Variants in GNG12 observed in about 807,000 individuals in gnomAD.
GNG12 encodes the protein guanine nucleotide-binding protein G(I)/G(S)/G(O) subunit gamma-12.
For synonymous variants in GNG12, 28 were observed against 29.7 expected (o/e 0.94, Z 0.19); for missense variants, 69 against 83.8 (o/e 0.82, Z 0.69).
intron 2 of GNG12, among the ~76,000 whole-genome samples, chr1:67,758,826 G>C (rs1646585114): frequency 1.3e-5 from 2 of 152,150 alleles, no homozygotes; most frequent in Non-Finnish European, 2.9e-5. Flanking sequence ...GTGATGTATG[G>C]GAGCTAAAAA....
At chr1:67,829,855 A>G (rs1012066487) in intron 1 of GNG12, among the ~76,000 whole-genome samples, 1 of 152,210 alleles carries the variant, frequency 6.6e-6, no homozygotes, top group African/African-American at 2.4e-5. Context: ...ATTATAAACC[A>G]CATCTCTGTG....
rs1646240301 is a variant in GNG12 at position 67,705,341 on chromosome 1, C to CA, written c.*109dup. On this transcript the variant is annotated 3_prime_UTR_variant, in exon 4 of 4. Coordinates refer to ENST00000370982, the MANE Select transcript of GNG12 (RefSeq NM_018841.6). ...AGAGTCCATTATTCCAAGCTGAGAA[C>CA]ATTTTAGTTATTAGCAGTGGTTACC... is the stretch of plus-strand genomic sequence containing the variant. 6.1e-6 allele frequency: 9 copies of CA among 1,484,318 alleles called. No homozygotes were observed. In the South Asian group the frequency reaches 9.9e-5, roughly 16 times the overall value. 91.9% of individuals were successfully genotyped at this position (1,484,318 alleles called of 1,614,324 possible). A position where few individuals can be genotyped will look rare whatever the true frequency, so the allele number is the denominator to read the frequency against.
chr1:67,813,772 C>T (rs1204034684), intron 1 of GNG12, among the ~76,000 whole-genome samples: 2 of 152,138 alleles, frequency 1.3e-5, no homozygotes, highest in African/African-American at 4.8e-5. Context: ...ATTGTGGCAA[C>T]TTTTGCATCT....
At chr1:67,799,469 C>T (rs911301628) in intron 1 of GNG12, among the ~76,000 whole-genome samples, 9 of 152,262 alleles carry the variant, frequency 5.9e-5, no homozygotes, top group South Asian at 2.1e-4. Context: ...TTTGTCCTGA[C>T]TTTGTATCTA....
At chr1:67,726,260 C>CT (rs1413240996) in intron 2 of GNG12, among the ~76,000 whole-genome samples, 1 of 152,226 alleles carries the variant, frequency 6.6e-6, no homozygotes, top group East Asian at 1.9e-4. Context: ...CCATGAGAGT[C>CT]TTTAAGTTGA....
intron 2 of GNG12, among the ~76,000 whole-genome samples, chr1:67,744,639 C>G (rs1047914141): frequency 1.3e-5 from 2 of 152,164 alleles, no homozygotes; most frequent in African/African-American, 4.8e-5. Context: ...GGGGCAGGAG[C>G]TAGGAGGACT....
chr1:67,752,275 T>A (rs1176661780), intron 2 of GNG12, among the ~76,000 whole-genome samples: 3 of 152,230 alleles, frequency 2.0e-5, no homozygotes, highest in African/African-American at 7.2e-5. Flanking sequence ...CGTTTCAGGA[T>A]GTTGCTCTGG....
At chr1:67,726,998 G>A (rs114990356) in intron 2 of GNG12, among the ~76,000 whole-genome samples, 177 of 152,290 alleles carry the variant, frequency 1.2e-3, no homozygotes, top group African/African-American at 4.2e-3. Flanking sequence ...GCAAGCTTTG[G>A]AAAGAAAGAA....
intron 3 of GNG12, 38 bp from the exon 4 acceptor site, chr1:67,705,614 T>C (rs1487167913): frequency 6.9e-6 from 11 of 1,589,066 alleles, no homozygotes; most frequent in Non-Finnish European, 8.5e-6. Context: ...AGAAAGAAAA[T>C]ATTTTACTTG....
intron 2 of GNG12, among the ~76,000 whole-genome samples, chr1:67,770,593 C>A (rs890082483): frequency 3.9e-5 from 6 of 152,076 alleles, no homozygotes; most frequent in African/African-American, 1.4e-4. Context: ...GACTGGAAAC[C>A]AGAAGATGCT....
At chr1:67,780,180 CTTT>C (rs1646729422) in intron 1 of GNG12, among the ~76,000 whole-genome samples, 1 of 152,126 alleles carries the variant, frequency 6.6e-6, no homozygotes, top group African/African-American at 2.4e-5. Flanking sequence ...TTACATGCTC[CTTT>C]AATCCCCTTG....
At chr1:67,800,755 C>T (rs2100795971) in intron 1 of GNG12, among the ~76,000 whole-genome samples, 1 of 152,138 alleles carries the variant, frequency 6.6e-6, no homozygotes, top group Non-Finnish European at 1.5e-5. Context: ...GTTTTATCCA[C>T]CTCTGTTTTT....
intron 1 of GNG12, among the ~76,000 whole-genome samples, chr1:67,790,668 G>A (rs574833504): frequency 6.6e-6 from 1 of 150,914 alleles, no homozygotes; most frequent in Non-Finnish European, 1.5e-5. Context: ...GGAATGCAGT[G>A]GCACTATCTC....
chr1:67,754,393 G>C (rs1187598185), intron 2 of GNG12, among the ~76,000 whole-genome samples: 1 of 152,120 alleles, frequency 6.6e-6, no homozygotes, highest in East Asian at 1.9e-4. Context: ...AGACACCCCA[G>C]AGTCGTTCTG....
At chr1:67,818,996 C>T (rs1235655806) in intron 1 of GNG12, among the ~76,000 whole-genome samples, 1 of 152,070 alleles carries the variant, frequency 6.6e-6, no homozygotes, top group Non-Finnish European at 1.5e-5. Flanking sequence ...TTTCTATTGT[C>T]TATGAGTTCA....
At chr1:67,719,663 A>C (rs537316013) in intron 2 of GNG12, among the ~76,000 whole-genome samples, 1 of 152,330 alleles carries the variant, frequency 6.6e-6, no homozygotes, top group African/African-American at 2.4e-5. Flanking sequence ...CTACTGTGTC[A>C]AGTACTCTGT....
intron 1 of GNG12, among the ~76,000 whole-genome samples, chr1:67,777,853 C>T (rs936164418): frequency 6.6e-6 from 1 of 152,106 alleles, no homozygotes; most frequent in Non-Finnish European, 1.5e-5. Flanking sequence ...CAGCCATGGC[C>T]CTCTCTAAGA....
chr1:67,733,012 A>G (rs1208311610), intron 2 of GNG12, among the ~76,000 whole-genome samples: 1 of 152,208 alleles, frequency 6.6e-6, no homozygotes, highest in Non-Finnish European at 1.5e-5. Flanking sequence ...GGCGTGGGAA[A>G]GGAAAAGCAA....
chr1:67,770,711 GA>G (rs1412921180), intron 2 of GNG12, among the ~76,000 whole-genome samples: 1 of 152,048 alleles, frequency 6.6e-6, no homozygotes, highest in Non-Finnish European at 1.5e-5. Flanking sequence ...AGCCAGGAGA[GA>G]AAAAAGTCCC....
Sources: allele counts gnomAD v4.1 joint callset (sites outside exome capture counted in the v4.1 genomes callset), GRCh38; gene constraint gnomAD v4.1.1; transcripts MANE v1.5; gene names NCBI Gene and HGNC (gene_info 2026-07-23, HGNC 2026-07-21).